LAMC3: variants seen among roughly 807,000 people sequenced by gnomAD.
LAMC3 encodes laminin subunit gamma-3.
In LAMC3, 128 loss-of-function variants were observed where a neutral mutation model predicts 173.8. The observed-to-expected ratio is 0.74, with a 90% confidence interval of 0.64 to 0.85. LAMC3 has a LOEUF of 0.85. LAMC3 is among the 40% of genes least tolerant of loss of function. The pLI is 0.00. For synonymous variants in LAMC3, 897 were observed against 909.1 expected, an observed-to-expected ratio of 0.99 and a Z score of 0.24; for missense variants, 2,022 against 2,156.0, an observed-to-expected ratio of 0.94 and a Z score of 1.23.
Position 131,069,822 on chromosome 9 carries a change from C to T in LAMC3, c.3041C>T (p.Pro1014Leu), listed in dbSNP as rs774083353. The T allele has an allele frequency of 2.4e-5, 38 of 1,592,570 alleles. No homozygotes were observed. The highest frequency in any genetic ancestry group is 2.9e-5 in the Non-Finnish European group (34 of 1,169,282). Residue 1014 changes from proline to leucine, a missense_variant, in exon 17 of 28, where the codon CCG becomes CTG. Coordinates refer to ENST00000361069, the MANE Select transcript of LAMC3 (RefSeq NM_006059.4). Reference protein sequence around the residue: ...TADGTHCQQCPSCYALVKEEA... With the variant: ...TADGTHCQQCLSCYALVKEEA... The stretch of plus-strand genomic sequence containing the variant: ...GACGGCACACACTGCCAGCAATGTC[C>T]GTCCTGCTACGCCCTGGTGAAGGAG...
chr9:131,045,533 G>T lies in LAMC3; in HGVS notation c.1392G>T (p.Pro464=), dbSNP rs776814662. ...VEGNLCDRCR[P]GTFNLQPHNP... Reference sequence around the variant, plus strand: ...CCTGCCTCCATTTCAGATGTCGCCCGGGGACCTTTAACCTGCAGCCCCACA... The same window carrying T: ...CCTGCCTCCATTTCAGATGTCGCCCTGGGACCTTTAACCTGCAGCCCCACA... Residue 464 remains proline, a synonymous_variant, in exon 8 of 28, where the codon CCG becomes CCT. Coordinates refer to ENST00000361069, the MANE Select transcript of LAMC3 (RefSeq NM_006059.4). 6 of 1,613,408 alleles carry T rather than the reference G, an allele frequency of 3.7e-6. No individual in the cohort carries two copies. The highest frequency in any genetic ancestry group is 5.1e-6 in the Non-Finnish European group (6 of 1,180,036).
intron 23 of LAMC3, among the ~76,000 whole-genome samples, chr9:131,080,687 G>C (rs1306778464): frequency 1.3e-5 from 2 of 152,044 alleles, no homozygotes; most frequent in African/African-American, 4.8e-5. Flanking sequence ...GTTTGGCTTT[G>C]CCCCCGGGGT....
Position 131,050,079 on chromosome 9 carries a change from G to A in LAMC3, c.1630+949G>A, listed in dbSNP as rs551526491. ...TCAAAGGCGTCGGGCCCCTCGTGGG[G>A]CAGGCGCTCCAAGCTCAGAGGCCCA... is the stretch of plus-strand genomic sequence containing the variant. On this transcript the variant is annotated intron_variant, in intron 9 of 27. Transcript: ENST00000361069. 5.9e-5 allele frequency among the ~76,000 whole-genome samples: 9 copies of A among 152,384 alleles called. No homozygotes were observed. In the South Asian group the frequency reaches 1.9e-3, roughly 32 times the overall value.
chr9:131,033,378 CAAGGAAGGA>C (rs1425272260), intron 3 of LAMC3, among the ~76,000 whole-genome samples: 1 of 152,140 alleles, frequency 6.6e-6, no homozygotes, highest in Non-Finnish European at 1.5e-5. Flanking sequence ...TCCAGGATGA[CAAGGAAGGA>C]GAGGAAAGGG....
At chr9:131,015,266 G>A (rs950063553) in intron 1 of LAMC3, among the ~76,000 whole-genome samples, 1 of 152,114 alleles carries the variant, frequency 6.6e-6, no homozygotes, top group African/African-American at 2.4e-5. Flanking sequence ...TGGATGAAGG[G>A]CCCCCAGCCT....
intron 24 of LAMC3, among the ~76,000 whole-genome samples, chr9:131,082,637 T>A (rs906165282): frequency 6.6e-6 from 1 of 152,220 alleles, no homozygotes; most frequent in Admixed American, 6.5e-5. Context: ...TTGCTATTCA[T>A]CCCTGGGTCA....
At chr9:131,063,364 T>C (rs1461043557) in intron 13 of LAMC3, among the ~76,000 whole-genome samples, 2 of 152,194 alleles carry the variant, frequency 1.3e-5, no homozygotes, top group African/African-American at 4.8e-5. Context: ...AGTGGACAGT[T>C]AGAGAAGCTC....
intron 27 of LAMC3, among the ~76,000 whole-genome samples, chr9:131,090,917 T>C (rs1388613910): frequency 1.3e-5 from 2 of 152,124 alleles, no homozygotes; most frequent in African/African-American, 4.8e-5. Context: ...TAATCCCAGA[T>C]ACTCGGGAGG....
At chr9:131,057,201 G>T in intron 12 of LAMC3, 54 bp downstream of exon 12, 1 of 1,485,746 alleles carries the variant, frequency 6.7e-7, no homozygotes, top group East Asian at 2.3e-5. Flanking sequence ...CAAAACAGCG[G>T]GATGAGTACT....
intron 3 of LAMC3, among the ~76,000 whole-genome samples, chr9:131,035,337 G>A (rs1293199225): frequency 4.6e-5 from 7 of 152,076 alleles, no homozygotes; most frequent in Non-Finnish European, 1.0e-4. Context: ...TTGGCTTCTG[G>A]GGAGGCCTCA....
chr9:131,067,709 A>G (rs1829963806), intron 14 of LAMC3, among the ~76,000 whole-genome samples: 1 of 152,216 alleles, frequency 6.6e-6, no homozygotes, highest in Admixed American at 6.5e-5. Context: ...GCTCTGGCCC[A>G]GAGTGAGATG....
intron 1 of LAMC3, among the ~76,000 whole-genome samples, chr9:131,012,561 C>A (rs911276129): frequency 6.6e-6 from 1 of 152,242 alleles, no homozygotes; most frequent in East Asian, 1.9e-4. Flanking sequence ...GCACAAGGGG[C>A]GCCGGGGGCC....
chr9:131,067,499 G>A (rs566296370), intron 14 of LAMC3, among the ~76,000 whole-genome samples: 1 of 152,252 alleles, frequency 6.6e-6, no homozygotes, highest in Admixed American at 6.5e-5. Flanking sequence ...GGCTGACCCG[G>A]TGATCGCCCT....
At chr9:131,032,224 C>T (rs747612299) in intron 3 of LAMC3, 49 bp downstream of exon 3, 11 of 1,328,648 alleles carry the variant, frequency 8.3e-6, no homozygotes, top group East Asian at 7.2e-5. Context: ...GACCCAAACC[C>T]GAGAGCGGAA....
intron 11 of LAMC3, among the ~76,000 whole-genome samples, chr9:131,055,726 A>G (rs1834391784): frequency 6.7e-6 from 1 of 150,054 alleles, no homozygotes; most frequent in Admixed American, 6.6e-5. Flanking sequence ...CGCCCGGCCC[A>G]TTTTTTTTTC....
chr9:131,075,704 G>A (rs1004975439), intron 20 of LAMC3, 127 bp from the exon 21 acceptor site: 53 of 1,033,142 alleles, frequency 5.1e-5, no homozygotes, highest in African/African-American at 1.1e-4. Context: ...TGGAAAAGGC[G>A]TACCTGTCTT....
rs754335138 is a variant in LAMC3 at position 131,026,370 on chromosome 9, C to G, written c.459C>G (p.Ala153=). The G allele has an allele frequency of 1.9e-6, 3 of 1,614,136 alleles. No individual in the cohort carries two copies. The highest frequency in any genetic ancestry group is 2.7e-5 in the African/African-American group (2 of 75,064). Residue 153 remains alanine (A), a synonymous_variant, in exon 2 of 28, where the codon GCC becomes GCG. Coordinates refer to ENST00000361069, the MANE Select transcript of LAMC3 (RefSeq NM_006059.4). This position sits in a 1 kb window ranked among gnomAD's most constrained non-coding sequence, Gnocchi z 4.8. The part of the protein sequence containing the change: ...ESFAIYKRSR[A]DGPWEPYQFY... ...TTGCCATCTACAAGCGCAGCCGCGCCGACGGCCCATGGGAGCCCTACCAGT... is the reference window on the plus strand; with the variant it reads ...TTGCCATCTACAAGCGCAGCCGCGCGGACGGCCCATGGGAGCCCTACCAGT...
chr9:131,026,547 C>A lies in LAMC3; in HGVS notation c.636C>A (p.Gly212=), dbSNP rs2133226719. 4.4e-6 allele frequency: 7 copies of A among 1,608,800 alleles called. No homozygotes were observed. The highest frequency in any genetic ancestry group is 5.9e-6 in the Non-Finnish European group (7 of 1,178,310). ...GGNVAFSTLE[G]RPSAYNFEES... is the part of the protein sequence containing the mutation. ...ACGTGGCCTTCTCCACCCTGGAGGG[C>A]CGGCCCAGCGCCTACAACTTCGAGG... is the stretch of plus-strand genomic sequence containing the variant. Residue 212 remains glycine, a synonymous_variant, in exon 2 of 28, where the codon GGC becomes GGA. Transcript: ENST00000361069. This position sits in a 1 kb window ranked among gnomAD's most constrained non-coding sequence, Gnocchi z 4.8.
chr9:131,054,963 G>A (rs1834374076), intron 11 of LAMC3, among the ~76,000 whole-genome samples: 1 of 152,096 alleles, frequency 6.6e-6, no homozygotes, highest in Non-Finnish European at 1.5e-5. Flanking sequence ...TAGAAAGCCT[G>A]GTTTTCTGTG....
Sources: allele counts gnomAD v4.1 joint callset (sites outside exome capture counted in the v4.1 genomes callset), GRCh38; gene constraint gnomAD v4.1.1; non-coding constraint Gnocchi (gnomAD v3.1); transcripts MANE v1.5; gene names NCBI Gene and HGNC (gene_info 2026-07-23, HGNC 2026-07-21).